Variants in PSPC1 observed in about 807,000 individuals in gnomAD.
The protein encoded by PSPC1 is paraspeckle protein 1.
PSPC1 carries 14 observed loss-of-function variants against 51.6 expected under a neutral mutation model. That is an observed-to-expected ratio of 0.27 (90% CI 0.18 to 0.42). The LOEUF (loss-of-function observed/expected upper bound fraction) is 0.42, where lower values mean the gene tolerates loss of function less well. Among genes scored for constraint, PSPC1 ranks in the 10% least tolerant of loss-of-function variants. PSPC1 has a pLI of 1.00. For synonymous variants in PSPC1, 193 were observed against 231.9 expected, an observed-to-expected ratio of 0.83 and a Z score of 1.53; for missense variants, 406 against 701.1, an observed-to-expected ratio of 0.58 and a Z score of 4.75.
At chr13:19,749,990 G>A (rs917625904) in intron 4 of PSPC1, among the ~76,000 whole-genome samples, 1 of 152,110 alleles carries the variant, frequency 6.6e-6, no homozygotes, top group Non-Finnish European at 1.5e-5. Flanking sequence ...TTCATCATAA[G>A]TGCTCAATAA....
At position 19,730,159 on chromosome 13, in the gene PSPC1, A is replaced by G. The variant is rs994023329; in HGVS notation, c.1158+80T>C. ...AAGATTAGAAAAGACTACTGTATAA[A>G]CCAAAATCTAAAGCATTCTAAATAT... On this transcript the variant is annotated intron_variant, in intron 6 of 8. Transcript: ENST00000338910. The G allele has an allele frequency of 1.5e-5, 19 of 1,248,190 alleles. No individual in the cohort carries two copies. In the African/African-American group the frequency reaches 2.4e-4, roughly 16 times the overall value. 77.3% of individuals were successfully genotyped at this position (1,248,190 alleles called of 1,614,324 possible). A position where few individuals can be genotyped will look rare whatever the true frequency, so the allele number is the denominator to read the frequency against.
intron 6 of PSPC1, among the ~76,000 whole-genome samples, chr13:19,690,450 A>G (rs371920010): frequency 1.1e-4 from 16 of 152,248 alleles, no homozygotes; most frequent in African/African-American, 3.6e-4. Context: ...TCTTCAATGT[A>G]TAACAAAGGA....
At chr13:19,727,668 T>A (rs191484845) in intron 6 of PSPC1, among the ~76,000 whole-genome samples, 1 of 152,358 alleles carries the variant, frequency 6.6e-6, no homozygotes, top group East Asian at 1.9e-4. Flanking sequence ...TGGTAAGTAC[T>A]GAAGTGTTTA....
intron 4 of PSPC1, among the ~76,000 whole-genome samples, chr13:19,751,070 G>A (rs752121938): frequency 6.6e-6 from 1 of 151,950 alleles, no homozygotes; most frequent in African/African-American, 2.4e-5. Flanking sequence ...CGCCCGTCAA[G>A]TAAAACTAAC....
At chr13:19,726,364 G>A (rs984431568) in intron 6 of PSPC1, among the ~76,000 whole-genome samples, 6 of 152,134 alleles carry the variant, frequency 3.9e-5, no homozygotes, top group African/African-American at 9.7e-5. Flanking sequence ...TCTTTAACAC[G>A]TATATCTCCT....
intron 6 of PSPC1, among the ~76,000 whole-genome samples, chr13:19,694,453 T>G (rs1027809304): frequency 1.3e-5 from 2 of 152,136 alleles, no homozygotes; most frequent in African/African-American, 4.8e-5. Flanking sequence ...TTGAACCCAA[T>G]GTAGTCAAAA....
chr13:19,742,906 C>T (rs1885579394), intron 4 of PSPC1, among the ~76,000 whole-genome samples: 1 of 124,468 alleles, frequency 8.0e-6, no homozygotes, highest in Non-Finnish European at 1.7e-5. Context: ...TCCTCCCTAA[C>T]TAAGCCAATG....
chr13:19,735,818 C>A (rs1884703551), intron 5 of PSPC1, among the ~76,000 whole-genome samples: 1 of 151,642 alleles, frequency 6.6e-6, no homozygotes, highest in Non-Finnish European at 1.5e-5. Flanking sequence ...TGCAAAACTA[C>A]TCAAAAAAAA....
chr13:19,752,485 G>A (rs1886655233), intron 3 of PSPC1, among the ~76,000 whole-genome samples: 1 of 151,676 alleles, frequency 6.6e-6, no homozygotes. Flanking sequence ...CAAACTCCTG[G>A]CCTCAAGTAA....
intron 6 of PSPC1, among the ~76,000 whole-genome samples, chr13:19,696,446 T>A (rs1328943198): frequency 2.0e-5 from 3 of 151,864 alleles, no homozygotes; most frequent in Non-Finnish European, 4.4e-5. Context: ...ATGAACCAAT[T>A]TAATTTTTTA....
intron 5 of PSPC1, 104 bp downstream of exon 5, chr13:19,741,456 TTTTTC>T (rs1885424797): frequency 1.3e-6 from 1 of 752,366 alleles, no homozygotes; most frequent in Non-Finnish European, 2.1e-6. Context: ...AAATGGGCAA[TTTTTC>T]TATTTTTCCT....
chr13:19,766,100 C>T (rs1398668232), intron 2 of PSPC1, among the ~76,000 whole-genome samples: 2 of 152,162 alleles, frequency 1.3e-5, no homozygotes, highest in Non-Finnish European at 2.9e-5. Context: ...CAGCTGGGCG[C>T]AGTGGCTCAC....
chr13:19,717,705 C>CAAAAAA (rs780984201), intron 6 of PSPC1, among the ~76,000 whole-genome samples: 2 of 72,258 alleles, frequency 2.8e-5, no homozygotes, highest in East Asian at 4.5e-4. Flanking sequence ...GACTCTGTCT[C>CAAAAAA]AAAAAAAAAA....
chr13:19,781,435 T>G (rs1430795467), intron 1 of PSPC1, among the ~76,000 whole-genome samples: 4 of 152,042 alleles, frequency 2.6e-5, no homozygotes, highest in Non-Finnish European at 5.9e-5. Context: ...TTTTCAAAGT[T>G]TAGATTAAAA....
chr13:19,756,879 C>T (rs1157220612), intron 3 of PSPC1, among the ~76,000 whole-genome samples: 1 of 151,962 alleles, frequency 6.6e-6, no homozygotes, highest in Non-Finnish European at 1.5e-5. Context: ...CCTGTAATCC[C>T]AGCACTCTGG....
intron 6 of PSPC1, among the ~76,000 whole-genome samples, chr13:19,713,492 C>A (rs561017446): frequency 7.8e-6 from 1 of 128,292 alleles, no homozygotes; most frequent in Non-Finnish European, 1.5e-5. Context: ...TTGACGTTCA[C>A]GAGATACTTT....
rs578242354 is a variant in PSPC1, at chr13:19,712,746, A to AAT, written c.1159-3149_1159-3148dup. 2.2e-3 allele frequency among the ~76,000 whole-genome samples: 339 copies of AAT among 150,824 alleles called. 2 individuals are homozygous for AAT. The highest frequency in any genetic ancestry group is 6.3e-3 in the African/African-American group (260 of 41,230). ...AGGCACATTACAGCATTTTTCACTAAATATATATATATATACTTGTACTTA... is the reference window on the plus strand; with the variant it reads ...AGGCACATTACAGCATTTTTCACTAAATATATATATATATATACTTGTACTTA... On this transcript the variant is annotated intron_variant, in intron 6 of 8. Transcript: ENST00000338910.
chr13:19,672,315 T>C (rs1311756410), downstream of PSPC1: 1 of 166,118 alleles, frequency 6.0e-6, no homozygotes, highest in Non-Finnish European at 1.3e-5. Flanking sequence ...CAGCTAATTT[T>C]GTATTTTTAG....
intron 6 of PSPC1, chr13:19,678,760 TTTTG>T (rs1876945207): frequency 6.6e-6 from 1 of 152,158 alleles, no homozygotes; most frequent in Admixed American, 6.5e-5. Context: ...TCTTTGGAGT[TTTTG>T]TTTTTGTTTT....
Sources: gnomAD v4.1 joint callset for allele counts (sites outside exome capture counted in the v4.1 genomes callset) on GRCh38, gnomAD v4.1.1 for gene constraint, MANE v1.5 for transcripts, NCBI Gene and HGNC (gene_info 2026-07-23, HGNC 2026-07-21) for gene names.